CPQ: variants seen among roughly 807,000 people sequenced by gnomAD.
The protein encoded by CPQ is Ser-Met dipeptidase.
In CPQ, 37 loss-of-function variants were observed where a neutral mutation model predicts 45.7. The observed-to-expected ratio is 0.81, with a 90% CI of 0.62 to 1.07. CPQ has a LOEUF of 1.07. Among genes scored for constraint, CPQ ranks in the 50% least tolerant of loss-of-function variants. The pLI is 0.00. For missense variants in CPQ, 537 were observed against 572.9 expected, an observed-to-expected ratio of 0.94 and a Z score of 0.64; for synonymous variants, 186 against 205.8, an observed-to-expected ratio of 0.90 and a Z score of 0.82.
intron 1 of CPQ, among the ~76,000 whole-genome samples, chr8:96,675,407 G>A (rs1809064012): frequency 6.6e-6 from 1 of 151,870 alleles, no homozygotes; most frequent in African/African-American, 2.4e-5. Flanking sequence ...TTTTTAATTA[G>A]CTTCATGTTC....
At chr8:97,102,926 G>C (rs1161711682) in intron 7 of CPQ, among the ~76,000 whole-genome samples, 2 of 152,100 alleles carry the variant, frequency 1.3e-5, no homozygotes, top group Admixed American at 6.6e-5. Flanking sequence ...CTAAAGTTAG[G>C]GTGTTAGTAG....
At chr8:96,901,954 CAT>C (rs1812517058) in intron 4 of CPQ, among the ~76,000 whole-genome samples, 1 of 152,146 alleles carries the variant, frequency 6.6e-6, no homozygotes, top group African/African-American at 2.4e-5. Context: ...TCTAACAAAA[CAT>C]GTCAAAAATT....
At chr8:96,914,255 G>A (rs2130906545) in intron 4 of CPQ, among the ~76,000 whole-genome samples, 1 of 152,260 alleles carries the variant, frequency 6.6e-6, no homozygotes, top group East Asian at 1.9e-4. Flanking sequence ...AAAAAGGCAA[G>A]GGTGGTTACT....
chr8:96,851,515 T>A (rs1430939286), intron 3 of CPQ, among the ~76,000 whole-genome samples: 2 of 152,126 alleles, frequency 1.3e-5, no homozygotes, highest in Non-Finnish European at 2.9e-5. Flanking sequence ...TATTTCTTCA[T>A]CCTCCAGAGG....
At chr8:96,934,048 T>C (rs1354268419) in intron 4 of CPQ, among the ~76,000 whole-genome samples, 2 of 152,102 alleles carry the variant, frequency 1.3e-5, no homozygotes, top group African/African-American at 4.8e-5. Flanking sequence ...AACAGGAGCT[T>C]GAAGAGAAGG....
chr8:97,126,422 A>T (rs1490549089), intron 7 of CPQ, among the ~76,000 whole-genome samples: 1 of 151,004 alleles, frequency 6.6e-6, no homozygotes, highest in Non-Finnish European at 1.5e-5. Context: ...AAGCATGAGA[A>T]CCCTCTCTTC....
At chr8:96,951,595 G>T (rs557347625) in intron 4 of CPQ, among the ~76,000 whole-genome samples, 93 of 152,046 alleles carry the variant, frequency 6.1e-4, no homozygotes, top group African/African-American at 2.1e-3. Context: ...AGCTATTATT[G>T]AAATAAAAAC....
chr8:97,130,849 C>G (rs996146690), intron 7 of CPQ, among the ~76,000 whole-genome samples: 1 of 152,084 alleles, frequency 6.6e-6, no homozygotes, highest in African/African-American at 2.4e-5. Flanking sequence ...CCTATTCATT[C>G]CCTCACTGCA....
At chr8:96,841,005 C>G (rs1811600354) in intron 3 of CPQ, among the ~76,000 whole-genome samples, 1 of 152,206 alleles carries the variant, frequency 6.6e-6, no homozygotes, top group Admixed American at 6.5e-5. Context: ...TGTCCCCCCT[C>G]TTATCTGCCA....
At chr8:96,707,005 G>T (rs568392915) in intron 1 of CPQ, among the ~76,000 whole-genome samples, 1 of 152,002 alleles carries the variant, frequency 6.6e-6, no homozygotes, top group Admixed American at 6.6e-5. Flanking sequence ...CTTATGATAG[G>T]CCCAGAATTT....
intron 1 of CPQ, among the ~76,000 whole-genome samples, chr8:96,777,495 T>C (rs866272989): frequency 7.9e-5 from 12 of 151,954 alleles, no homozygotes; most frequent in Admixed American, 4.6e-4. Flanking sequence ...AATTCATCCA[T>C]TGCCACATCA....
intron 7 of CPQ, among the ~76,000 whole-genome samples, chr8:97,101,383 A>G (rs577454757): frequency 2.6e-5 from 4 of 151,976 alleles, no homozygotes; most frequent in Admixed American, 1.3e-4. Context: ...ATTGTGGTCA[A>G]TTATATAGAC....
intron 6 of CPQ, among the ~76,000 whole-genome samples, chr8:97,065,369 T>C (rs1255263384): frequency 6.6e-6 from 1 of 152,220 alleles, no homozygotes; most frequent in East Asian, 1.9e-4. Flanking sequence ...ACTAGTGGCC[T>C]GGCAGCGTTG....
intron 4 of CPQ, among the ~76,000 whole-genome samples, chr8:96,895,989 A>G (rs1812436999): frequency 6.6e-6 from 1 of 152,066 alleles, no homozygotes; most frequent in Non-Finnish European, 1.5e-5. Flanking sequence ...CAATGTTTAT[A>G]TCAGAAGGGT....
chr8:96,728,804 G>T (rs1262527814), intron 1 of CPQ, among the ~76,000 whole-genome samples: 4 of 152,162 alleles, frequency 2.6e-5, no homozygotes, highest in Non-Finnish European at 5.9e-5. Context: ...ATGCTAATGA[G>T]CACAGGGTCA....
chr8:97,035,180 C>G (rs1325610790), intron 6 of CPQ, among the ~76,000 whole-genome samples: 1 of 152,138 alleles, frequency 6.6e-6, no homozygotes, highest in African/African-American at 2.4e-5. Context: ...TGTGAGCCAC[C>G]ACGCCCAGCC....
chr8:96,761,840 T>C lies in CPQ; in HGVS notation c.-34-23024T>C, dbSNP rs557025412. ...TAATAGCGTCAAACCTTGGGTCTAA[T>C]CAGGGCTCAGTCTCTTTACTATTTG... On this transcript the variant is annotated intron_variant, in intron 1 of 7. Coordinates refer to ENST00000220763, the MANE Select transcript of CPQ (RefSeq NM_016134.4). 2.0e-5 allele frequency among the ~76,000 whole-genome samples: 3 copies of C among 152,350 alleles called. No individual in the cohort carries two copies. In the South Asian group the frequency reaches 6.2e-4, roughly 32 times the overall value.
intron 1 of CPQ, among the ~76,000 whole-genome samples, chr8:96,771,475 T>C (rs1291893155): frequency 1.3e-5 from 2 of 152,124 alleles, no homozygotes; most frequent in Non-Finnish European, 2.9e-5. Flanking sequence ...GTCTGGTCTC[T>C]TCCTTTCTTT....
chr8:97,015,908 A>G (rs972071802), intron 5 of CPQ, among the ~76,000 whole-genome samples: 7 of 152,156 alleles, frequency 4.6e-5, no homozygotes, highest in African/African-American at 1.7e-4. Flanking sequence ...ACATACATTT[A>G]TAATTTTTGT....
Sources: gnomAD v4.1 joint callset for allele counts (sites outside exome capture counted in the v4.1 genomes callset) on GRCh38, gnomAD v4.1.1 for gene constraint, MANE v1.5 for transcripts, NCBI Gene and HGNC (gene_info 2026-07-23, HGNC 2026-07-21) for gene names.